Variants in ARHGEF25 observed in about 807,000 individuals in gnomAD.
ARHGEF25 encodes the protein Rho guanine nucleotide exchange factor 25.
A neutral mutation model predicts 74.0 loss-of-function variants in ARHGEF25; 42 were observed. The observed-to-expected ratio is 0.57, with a 90% CI of 0.44 to 0.73. The LOEUF (loss-of-function observed/expected upper bound fraction) is 0.73, where lower values mean the gene tolerates loss of function less well. ARHGEF25 is among the 30% of genes least tolerant of loss of function. The pLI, the probability that ARHGEF25 is intolerant of heterozygous loss-of-function variation, is 0.00. For synonymous variants in ARHGEF25, 293 were observed against 278.6 expected (o/e 1.05, Z -0.51); for missense variants, 645 against 725.5 (o/e 0.89, Z 1.27).
At chr12:57,610,901 C>T (rs901762321), upstream of ARHGEF25, among the ~76,000 whole-genome samples, 1 of 152,232 alleles carries the variant, frequency 6.6e-6, no homozygotes, top group Non-Finnish European at 1.5e-5. Flanking sequence ...CCGCGCCCCA[C>T]CCCTGGCCCC....
At position 57,611,885 on chromosome 12, in the gene ARHGEF25, C is replaced by G; in HGVS notation, c.-10C>G. ...GGCCCGGGTGGGGGGCGCGGGGGGG[C>G]CCGGGCGCCATGCGGGGGGGGCACA... On this transcript the variant is annotated 5_prime_UTR_variant, in exon 1 of 15. Transcript: ENST00000286494. The surrounding 1 kb of genome is among the most constrained non-coding windows in gnomAD (Gnocchi z 4.5). 1.6e-6 allele frequency: 2 copies of G among 1,225,744 alleles called. No individual in the cohort carries two copies. Among genetic ancestry groups the G allele is most frequent in the Non-Finnish European group, 1.0e-6 (1 of 959,480 alleles). The allele number at this position is 1,225,744 out of a possible 1,614,324, so 75.9% of individuals were successfully genotyped here.
upstream of ARHGEF25, among the ~76,000 whole-genome samples, chr12:57,611,150 C>T (rs1594957158): frequency 6.6e-6 from 1 of 152,260 alleles, no homozygotes; most frequent in African/African-American, 2.4e-5. This position sits in a 1 kb window ranked among gnomAD's most constrained non-coding sequence, Gnocchi z 4.5. Flanking sequence ...CCTCCTTCAT[C>T]GCAGAGGCCA....
chr12:57,615,416 C>G (rs898874238), intron 11 of ARHGEF25, 96 bp from the exon 12 acceptor site: 205 of 1,592,926 alleles, frequency 1.3e-4, no homozygotes, highest in African/African-American at 9.8e-4. Context: ...GGGGCTGACC[C>G]CATGGTTGGT....
intron 4 of ARHGEF25, 28 bp from the exon 5 acceptor site, chr12:57,613,666 T>A (rs199936449): frequency 6.2e-7 from 1 of 1,613,286 alleles, no homozygotes; most frequent in East Asian, 2.2e-5. Context: ...GACGCTGAAG[T>A]GGGGGCCTCC....
rs200196512 is a variant in ARHGEF25, at chr12:57,615,290, G to T, written c.1014G>T (p.Thr338=). The change falls in exon 11 of 15, where the codon ACG becomes ACT. Residue 338 remains threonine, a synonymous_variant. Transcript: ENST00000286494. ...FVPKRCNDMM[T]LGRLRGFEGK... Reference sequence around the variant, plus strand: ...CCAAGCGCTGCAACGATATGATGACGCTGGGGAGATTGCGGGGATTTGAGG... The same window carrying T: ...CCAAGCGCTGCAACGATATGATGACTCTGGGGAGATTGCGGGGATTTGAGG... The T allele has an allele frequency of 1.9e-6, 3 of 1,609,430 alleles. No homozygotes were observed. The highest frequency in any genetic ancestry group is 3.4e-5 in the Admixed American group (2 of 59,194).
Position 57,614,569 on chromosome 12 carries a change from G to A in ARHGEF25, c.780G>A (p.Glu260=). Residue 260 remains glutamate (E), a synonymous_variant, in exon 8 of 15, where the codon GAG becomes GAA. Transcript: ENST00000286494. The surrounding 1 kb of genome is among the most constrained non-coding windows in gnomAD (Gnocchi z 4.6). The stretch of plus-strand genomic sequence containing the variant: ...ACTGTCAGAATAAGCCCAAGTCAGA[G>A]CATGTGGTGTCAGAGTTTGGGGACA... ...VVYCQNKPKS[E]HVVSEFGDSY... The A allele has an allele frequency of 6.2e-7, 1 of 1,614,094 alleles. No individual in the cohort carries two copies. The highest frequency in any genetic ancestry group is 8.5e-7 in the Non-Finnish European group (1 of 1,180,038).
intron 1 of ARHGEF25, 140 bp downstream of exon 1, chr12:57,612,131 A>G: frequency 1.7e-6 from 1 of 601,052 alleles, no homozygotes; most frequent in Non-Finnish European, 2.4e-6. Flanking sequence ...AGTGATCCCT[A>G]AGGTCCCTTC....
At chr12:57,612,780 C>G (rs1420218977) in intron 1 of ARHGEF25, 150 bp from the exon 2 acceptor site, 4 of 1,487,612 alleles carry the variant, frequency 2.7e-6, no homozygotes, top group Non-Finnish European at 3.6e-6. Flanking sequence ...AATTTTCTAT[C>G]CTGGCCAACT....
chr12:57,611,409 G>T, upstream of ARHGEF25: 3 of 984,628 alleles, frequency 3.0e-6, no homozygotes, highest in Non-Finnish European at 3.6e-6. The surrounding 1 kb of genome is among the most constrained non-coding windows in gnomAD (Gnocchi z 4.5). Context: ...GCCCCGCCTC[G>T]TGGCGGCCCC....
At chr12:57,615,081 T>C in intron 10 of ARHGEF25, 64 bp downstream of exon 10, 2 of 1,601,402 alleles carry the variant, frequency 1.2e-6, no homozygotes, top group Non-Finnish European at 1.7e-6. Context: ...TCTCATGGGT[T>C]CCCCCAGCCC....
chr12:57,616,364 A>G lies in ARHGEF25; in HGVS notation c.1501A>G (p.Ser501Gly), dbSNP rs369392393. The G allele has an allele frequency of 1.2e-6, 2 of 1,613,884 alleles. No individual in the cohort carries two copies. Among genetic ancestry groups the G allele is most frequent in the Non-Finnish European group, 1.7e-6 (2 of 1,180,002 alleles). The change falls in exon 14 of 15, where the codon AGC becomes GGC. Residue 501 changes from serine to glycine, a missense_variant. Coordinates refer to ENST00000286494, the MANE Select transcript of ARHGEF25 (RefSeq NM_182947.4). The part of the protein sequence containing the change: ...LGRPRGPGVG[S>G]PGRIQLGDQA... ...GCGGCCAAGAGGGCCTGGAGTGGGG[A>G]GCCCTGGAAGAATTCAGCTTGGAGA...
At position 57,615,706 on chromosome 12, in the gene ARHGEF25, C is replaced by T; in HGVS notation, c.1233C>T (p.Ser411=). The T allele has an allele frequency of 6.2e-7, 1 of 1,614,098 alleles. No homozygotes were observed. The highest frequency in any genetic ancestry group is 1.1e-5 in the South Asian group (1 of 91,072). ...AGCCTGGATATGTATACAAGAACAGCATTAAGGTGGGGAGAAGGCCACGAG... is the reference window on the plus strand; with the variant it reads ...AGCCTGGATATGTATACAAGAACAGTATTAAGGTGGGGAGAAGGCCACGAG... The part of the protein sequence containing the change: ...GTQPGYVYKN[S]IKVSCLGLEG... The change falls in exon 12 of 15, where the codon AGC becomes AGT. Residue 411 remains serine (S), a synonymous_variant. Transcript: ENST00000286494.
intron 1 of ARHGEF25, 104 bp downstream of exon 1, chr12:57,612,095 G>A: frequency 3.2e-6 from 3 of 928,034 alleles, no homozygotes; most frequent in Non-Finnish European, 2.9e-6. Flanking sequence ...GAGACTGTAT[G>A]TGTTTTCCAG....
chr12:57,616,932 C>T lies in ARHGEF25; in HGVS notation c.*38C>T, dbSNP rs778708366. ...ATGGGGGTGGTGCTGACTCAGCCGCCTATTCCCCAAGGAGCTTCAGGGCAG... is the reference window on the plus strand; with the variant it reads ...ATGGGGGTGGTGCTGACTCAGCCGCTTATTCCCCAAGGAGCTTCAGGGCAG... On this transcript the variant is annotated 3_prime_UTR_variant, in exon 15 of 15. Coordinates refer to ENST00000286494, the MANE Select transcript of ARHGEF25 (RefSeq NM_182947.4). The T allele has an allele frequency of 1.1e-5, 17 of 1,522,350 alleles. No individual in the cohort carries two copies. The highest frequency in any genetic ancestry group is 1.4e-5 in the Non-Finnish European group (15 of 1,099,368). 94.3% of individuals were successfully genotyped at this position (1,522,350 alleles called of 1,614,324 possible).
Position 57,614,137 on chromosome 12 carries a change from G to T in ARHGEF25, c.656+18G>T. 1.2e-6 allele frequency: 2 copies of T among 1,612,122 alleles called. No individual in the cohort carries two copies. Among genetic ancestry groups the T allele is most frequent in the Non-Finnish European group, 1.7e-6 (2 of 1,178,402 alleles). On this transcript the variant is annotated intron_variant, in intron 6 of 14. Transcript: ENST00000286494. The surrounding 1 kb of genome is among the most constrained non-coding windows in gnomAD (Gnocchi z 4.6). ...CACCGAGAGTGAGTGGTGGAACTCTGACAGCTAGGTGCTGGAGAGGGGCCC... is the reference window on the plus strand; with the variant it reads ...CACCGAGAGTGAGTGGTGGAACTCTTACAGCTAGGTGCTGGAGAGGGGCCC...
chr12:57,614,831 C>T lies in ARHGEF25; in HGVS notation c.909+50C>T. ...GCACAGCTGGCTGGCACAGCTGTTTCCTCATTCATCTCCCCAGGGTTCTTA... is the reference window on the plus strand; with the variant it reads ...GCACAGCTGGCTGGCACAGCTGTTTTCTCATTCATCTCCCCAGGGTTCTTA... On this transcript the variant is annotated intron_variant, in intron 9 of 14. Coordinates refer to ENST00000286494, the MANE Select transcript of ARHGEF25 (RefSeq NM_182947.4). The surrounding 1 kb of genome is among the most constrained non-coding windows in gnomAD (Gnocchi z 4.6). The T allele has an allele frequency of 6.3e-7, 1 of 1,577,494 alleles. No individual in the cohort carries two copies. The highest frequency in any genetic ancestry group is 8.6e-7 in the Non-Finnish European group (1 of 1,159,538).
intron 2 of ARHGEF25, 53 bp from the exon 3 acceptor site, chr12:57,613,210 TG>T: frequency 6.2e-7 from 1 of 1,610,572 alleles, no homozygotes; most frequent in Non-Finnish European, 8.5e-7. Context: ...GAGGGCAAGT[TG>T]GGGCCACCCA....
At chr12:57,613,649 G>A (rs1884152895) in intron 4 of ARHGEF25, 45 bp from the exon 5 acceptor site, 2 of 1,612,398 alleles carry the variant, frequency 1.2e-6, no homozygotes, top group Non-Finnish European at 1.7e-6. Context: ...AACCAAGGAT[G>A]AGCTCCGACG....
rs1267676287 is a variant in ARHGEF25, at chr12:57,615,035, TC to T, written c.960+20del. 3.7e-6 allele frequency: 6 copies of T among 1,613,554 alleles called. No individual in the cohort carries two copies. The South Asian group carries it at 6.6e-5, about 18-fold the overall frequency. ...ACCTAGAGGTGAGGACCCCAGATCT[TC>T]CAGGACACACCATGTGCTCCTTATC... On this transcript the variant is annotated intron_variant, in intron 10 of 14. Transcript: ENST00000286494.
Sources: gnomAD v4.1 joint callset for allele counts (sites outside exome capture counted in the v4.1 genomes callset) on GRCh38, gnomAD v4.1.1 for gene constraint, Gnocchi (gnomAD v3.1) non-coding constraint, MANE v1.5 for transcripts, NCBI Gene and HGNC (gene_info 2026-07-23, HGNC 2026-07-21) for gene names.